Variants in JAZF1 observed in about 807,000 individuals in gnomAD.
JAZF1 encodes JAZF zinc finger 1.
JAZF1 carries 8 observed loss-of-function variants against 26.4 expected under a neutral mutation model. The observed-to-expected ratio is 0.30, with a 90% CI of 0.18 to 0.55. JAZF1 has a LOEUF of 0.55. Among genes scored for constraint, JAZF1 ranks in the 20% least tolerant of loss-of-function variants. The pLI is 0.94. For synonymous variants in JAZF1, 126 were observed against 122.3 expected, an observed-to-expected ratio of 1.03 and a Z score of -0.20; for missense variants, 199 against 322.0, an observed-to-expected ratio of 0.62 and a Z score of 2.92.
chr7:27,904,293 C>A (rs895605276), intron 2 of JAZF1, among the ~76,000 whole-genome samples: 1 of 152,144 alleles, frequency 6.6e-6, no homozygotes, highest in African/African-American at 2.4e-5. Flanking sequence ...GCTTTCAGAA[C>A]GTACATCTGC....
intron 1 of JAZF1, among the ~76,000 whole-genome samples, chr7:28,157,249 T>C (rs765952550): frequency 1.1e-4 from 17 of 152,110 alleles, no homozygotes; most frequent in Non-Finnish European, 2.4e-4. Flanking sequence ...GCAGACAAAG[T>C]GAGAGGAGGC....
At chr7:27,978,860 C>T (rs1055868648) in intron 2 of JAZF1, among the ~76,000 whole-genome samples, 2 of 140,020 alleles carry the variant, frequency 1.4e-5, no homozygotes, top group African/African-American at 2.7e-5. Context: ...TGTGTGAGGG[C>T]GTGAGGGTGT....
chr7:27,837,475 C>T, intron 4 of JAZF1, among the ~76,000 whole-genome samples: 1 of 152,286 alleles, frequency 6.6e-6, no homozygotes, highest in East Asian at 1.9e-4. Context: ...CTCAGAGCAT[C>T]TGTCACATCT....
At chr7:28,049,795 C>G (rs896265476) in intron 1 of JAZF1, among the ~76,000 whole-genome samples, 1 of 152,174 alleles carries the variant, frequency 6.6e-6, no homozygotes, top group Admixed American at 6.5e-5. Flanking sequence ...AAGCGAGGCA[C>G]TGGACGAGCT....
intron 3 of JAZF1, among the ~76,000 whole-genome samples, chr7:27,883,871 A>G (rs1209099814): frequency 6.6e-6 from 1 of 152,122 alleles, no homozygotes; most frequent in East Asian, 1.9e-4. Context: ...TTATTTGTCC[A>G]TGTTACTGCT....
intron 1 of JAZF1, among the ~76,000 whole-genome samples, chr7:28,087,171 T>C (rs376428154): frequency 1.3e-5 from 2 of 152,304 alleles, no homozygotes; most frequent in East Asian, 3.9e-4. Flanking sequence ...ACAAAAGTAA[T>C]TATGTAACAG....
At chr7:27,847,835 T>C (rs1783057663) in intron 3 of JAZF1, among the ~76,000 whole-genome samples, 1 of 152,064 alleles carries the variant, frequency 6.6e-6, no homozygotes, top group South Asian at 2.1e-4. Flanking sequence ...GCCCAGCTAA[T>C]TTTTGTATTT....
At chr7:28,179,222 C>T (rs1020100885) in intron 1 of JAZF1, among the ~76,000 whole-genome samples, 2 of 152,352 alleles carry the variant, frequency 1.3e-5, no homozygotes, top group African/African-American at 4.8e-5. Flanking sequence ...CTAGCCCACG[C>T]AGGACAACTC....
intron 3 of JAZF1, among the ~76,000 whole-genome samples, chr7:27,880,759 G>C (rs562624317): frequency 4.3e-4 from 66 of 152,316 alleles, no homozygotes; most frequent in Non-Finnish European, 7.3e-4. Flanking sequence ...CAATCTCCCA[G>C]GCTCAGGTGA....
chr7:28,066,466 G>A (rs981699609), intron 1 of JAZF1, among the ~76,000 whole-genome samples: 15 of 152,154 alleles, frequency 9.9e-5, no homozygotes, highest in African/African-American at 3.6e-4. Flanking sequence ...AGCCAGGTAT[G>A]GTGGCGCATG....
At chr7:27,852,023 G>A (rs1441048781) in intron 3 of JAZF1, among the ~76,000 whole-genome samples, 3 of 151,726 alleles carry the variant, frequency 2.0e-5, no homozygotes, top group Admixed American at 6.6e-5. Context: ...CCACACTGAT[G>A]CTTGGTCAGT....
intron 1 of JAZF1, among the ~76,000 whole-genome samples, chr7:28,040,210 A>T (rs543742454): frequency 7.3e-5 from 11 of 150,504 alleles, no homozygotes; most frequent in South Asian, 2.1e-4. Context: ...TTAAACACAT[A>T]AAAAAAATCT....
chr7:28,006,117 G>A (rs1456918922), intron 1 of JAZF1, among the ~76,000 whole-genome samples: 2 of 151,806 alleles, frequency 1.3e-5, no homozygotes, highest in Non-Finnish European at 2.9e-5. Context: ...CCCACTAGGG[G>A]CCAGGCTCAG....
intron 2 of JAZF1, among the ~76,000 whole-genome samples, chr7:27,933,984 C>A (rs1185256775): frequency 6.6e-6 from 1 of 152,190 alleles, no homozygotes; most frequent in African/African-American, 2.4e-5. Flanking sequence ...TGCAAACAGC[C>A]AACATAAAGA....
intron 1 of JAZF1, among the ~76,000 whole-genome samples, chr7:28,118,485 A>T (rs1047970254): frequency 2.0e-5 from 3 of 152,206 alleles, no homozygotes; most frequent in Non-Finnish European, 4.4e-5. Flanking sequence ...AGGGTGACAA[A>T]GTGAGACTCT....
chr7:28,101,303 C>T (rs1349691908), intron 1 of JAZF1, among the ~76,000 whole-genome samples: 1 of 152,110 alleles, frequency 6.6e-6, no homozygotes, highest in African/African-American at 2.4e-5. Context: ...ATTAAACACA[C>T]CTCCATCACA....
At position 27,831,687 on chromosome 7, in the gene JAZF1, G is replaced by GAGAA. The variant is rs1459543569; in HGVS notation, c.*1109_*1112dup. The stretch of plus-strand genomic sequence containing the variant: ...AATGCAGACCTCTCTACAATGTGAT[G>GAGAA]AGAAAAGTACCTTTTAAAAAAAGTA... On this transcript the variant is annotated 3_prime_UTR_variant, in exon 5 of 5. Coordinates refer to ENST00000283928, the MANE Select transcript of JAZF1 (RefSeq NM_175061.4). The GAGAA allele has an allele frequency of 1.3e-5, 3 of 225,356 alleles. No homozygotes were observed. The highest frequency in any genetic ancestry group is 2.7e-5 in the Non-Finnish European group (3 of 112,888). 14.0% of individuals were successfully genotyped at this position (225,356 alleles called of 1,614,324 possible). A position where few individuals can be genotyped will look rare whatever the true frequency, so the allele number is the denominator to read the frequency against.
rs1164761581 is a variant in JAZF1 at position 27,832,732 on chromosome 7, A to C, written c.*68T>G. On this transcript the variant is annotated 3_prime_UTR_variant, in exon 5 of 5. Coordinates refer to ENST00000283928, the MANE Select transcript of JAZF1 (RefSeq NM_175061.4). ...AGGGTTGCTGAATGCTTCCCCTGAA[A>C]AAAGGTGGCTGTTTTCAAAATCAGC... 1 of 1,306,628 alleles carries C rather than the reference A, an allele frequency of 7.7e-7. No individual in the cohort carries two copies. Among genetic ancestry groups the C allele is most frequent in the Non-Finnish European group, 1.0e-6 (1 of 976,190 alleles). 80.9% of individuals were successfully genotyped at this position (1,306,628 alleles called of 1,614,324 possible).
rs575047929 is a variant in JAZF1, at chr7:28,061,594, G to C, written c.116-69613C>G. 4.2e-3 allele frequency among the ~76,000 whole-genome samples: 634 copies of C among 152,282 alleles called. 2 individuals carry two copies. Among genetic ancestry groups the C allele is most frequent in the African/African-American group, 0.015 (615 of 41,566 alleles). On this transcript the variant is annotated intron_variant, in intron 1 of 4. Transcript: ENST00000283928. ...TCAGCTGTTGCCATCAAGTGTAAAGGTGAGCATGTTAATAGCAAAAAGAAA... is the reference window on the plus strand; with the variant it reads ...TCAGCTGTTGCCATCAAGTGTAAAGCTGAGCATGTTAATAGCAAAAAGAAA...
Sources: allele counts gnomAD v4.1 joint callset (sites outside exome capture counted in the v4.1 genomes callset), GRCh38; gene constraint gnomAD v4.1.1; transcripts MANE v1.5; gene names NCBI Gene and HGNC (gene_info 2026-07-23, HGNC 2026-07-21).